FAM20A: variants seen among roughly 807,000 people sequenced by gnomAD.
FAM20A encodes FAM20A golgi associated secretory pathway pseudokinase.
FAM20A carries 42 observed loss-of-function variants against 52.0 expected under a neutral mutation model. The observed-to-expected ratio is 0.81, with a 90% CI of 0.63 to 1.04. The LOEUF (loss-of-function observed/expected upper bound fraction) is 1.04. FAM20A is among the 50% of genes least tolerant of loss of function. The pLI is 0.00. For synonymous variants in FAM20A, 304 were observed against 298.9 expected (o/e 1.02, Z -0.18); for missense variants, 742 against 712.7 (o/e 1.04, Z -0.47).
chr17:68,555,496 A>T, intron 2 of FAM20A, 63 bp downstream of exon 2: 3 of 1,582,030 alleles, frequency 1.9e-6, no homozygotes, highest in Non-Finnish European at 1.7e-6. Context: ...CTAGCCTGGG[A>T]TGCTTTACCC....
intron 4 of FAM20A, among the ~76,000 whole-genome samples, chr17:68,546,641 T>C (rs998938411): frequency 3.2e-4 from 48 of 152,092 alleles, no homozygotes; most frequent in Admixed American, 1.4e-3. Context: ...CCATCCTGGC[T>C]AACACGGTGA....
intron 1 of FAM20A, among the ~76,000 whole-genome samples, chr17:68,585,707 TAAA>T: frequency 1.3e-5 from 2 of 152,326 alleles, no homozygotes; most frequent in Non-Finnish European, 2.9e-5. Context: ...CTCAGCAATT[TAAA>T]TTCTCTCCTG....
chr17:68,550,369 CTTTTTTTTTT>C lies in FAM20A; in HGVS notation c.719+1494_719+1503del, dbSNP rs747654899. ...CTTTCACATAGGAAAAATGGGGGAA[CTTTTTTTTTT>C]TTTTTTTTTTTTTTTTTAAGATAGA... is the stretch of plus-strand genomic sequence containing the variant. On this transcript the variant is annotated intron_variant, in intron 4 of 10. Coordinates refer to ENST00000592554, the MANE Select transcript of FAM20A (RefSeq NM_017565.4). Among the ~76,000 whole-genome samples, 6 of 79,388 alleles carry C rather than the reference CTTTTTTTTTT, an allele frequency of 7.6e-5. No homozygotes were observed. In the South Asian group the frequency reaches 2.9e-3, roughly 39 times the overall value. 52.1% of individuals were successfully genotyped at this position (79,388 alleles called of 152,430 possible). A position where few individuals can be genotyped will look rare whatever the true frequency, so the allele number is the denominator to read the frequency against.
intron 1 of FAM20A, among the ~76,000 whole-genome samples, chr17:68,577,167 AAGAC>A (rs1182616869): frequency 6.6e-6 from 1 of 152,226 alleles, no homozygotes; most frequent in African/African-American, 2.4e-5. Flanking sequence ...CATGTGCAGA[AAGAC>A]AGTCAAGGCT....
intron 8 of FAM20A, 83 bp downstream of exon 8, chr17:68,540,766 G>A (rs892463382): frequency 4.6e-6 from 7 of 1,514,000 alleles, no homozygotes; most frequent in Admixed American, 2.0e-5. Context: ...GAACCAGGTT[G>A]TAAGTTTGTG....
At chr17:68,576,512 C>T (rs2087772968) in intron 1 of FAM20A, among the ~76,000 whole-genome samples, 1 of 152,164 alleles carries the variant, frequency 6.6e-6, no homozygotes, top group South Asian at 2.1e-4. Flanking sequence ...TGCTGCAGCC[C>T]TGAGCCCAAG....
intron 1 of FAM20A, among the ~76,000 whole-genome samples, chr17:68,578,329 G>T (rs539785800): frequency 6.6e-6 from 1 of 152,192 alleles, no homozygotes; most frequent in East Asian, 1.9e-4. Flanking sequence ...GGGTTAGGCT[G>T]GGGCACATAT....
Position 68,600,804 on chromosome 17 carries a change from G to A in FAM20A, c.-138C>T. ...TCAGTGAGACCGGAATGCTCCCCGC[G>A]CGGGCTAGTCCCCTGTGGAGGGGTG... On this transcript the variant is annotated 5_prime_UTR_variant, in exon 1 of 11. Transcript: ENST00000592554. The surrounding 1 kb of genome is among the most constrained non-coding windows in gnomAD (Gnocchi z 6.2). The A allele has an allele frequency of 1.0e-6, 1 of 954,624 alleles. No homozygotes were observed. The highest frequency in any genetic ancestry group is 1.5e-6 in the Non-Finnish European group (1 of 661,354). The allele number at this position is 954,624 out of a possible 1,614,324, so 59.1% of individuals were successfully genotyped here. A position where few individuals can be genotyped will look rare whatever the true frequency, so the allele number is the denominator to read the frequency against.
intron 1 of FAM20A, among the ~76,000 whole-genome samples, chr17:68,579,492 T>C (rs1294971374): frequency 6.6e-6 from 1 of 152,154 alleles, no homozygotes; most frequent in Non-Finnish European, 1.5e-5. Context: ...GATTGGACTT[T>C]TGAAAAATAA....
At chr17:68,558,041 CT>C (rs2087104322) in intron 1 of FAM20A, among the ~76,000 whole-genome samples, 1 of 151,974 alleles carries the variant, frequency 6.6e-6, no homozygotes, top group South Asian at 2.1e-4. Context: ...AGTTTTTTTT[CT>C]GGCTGTTTTC....
At chr17:68,539,804 G>T in intron 9 of FAM20A, 81 bp downstream of exon 9, 3 of 1,364,634 alleles carry the variant, frequency 2.2e-6, no homozygotes, top group Non-Finnish European at 3.1e-6. Flanking sequence ...TTTGCAGGGC[G>T]TCTGTTTCCC....
chr17:68,539,973 A>T lies in FAM20A; in HGVS notation c.1220-7T>A, dbSNP rs775728716. ...TGGTGCCGGTCCATATTCCCTGTGA[A>T]GGAGGGGAGGACTTAGCTGGAACCA... On this transcript the variant is annotated splice_region_variant and splice_polypyrimidine_tract_variant and intron_variant, in intron 8 of 10. Transcript: ENST00000592554. 1 of 1,613,720 alleles carries T rather than the reference A, an allele frequency of 6.2e-7. No homozygotes were observed.
rs531664373 is a variant in FAM20A at position 68,586,020 on chromosome 17, CT to C, written c.404+14242del. On this transcript the variant is annotated intron_variant, in intron 1 of 10. Transcript: ENST00000592554. ...AGTGCCCTTCCTGGGTCACTGGCTG[CT>C]TTTTACCTTATAGACATGGTTGGTG... Among the ~76,000 whole-genome samples, 497 of 152,288 alleles carry C rather than the reference CT, an allele frequency of 3.3e-3. 5 individuals are homozygous for C. The highest frequency in any genetic ancestry group is 0.012 in the African/African-American group (479 of 41,572).
rs564885128 is a variant in FAM20A at position 68,541,955 on chromosome 17, C to A, written c.1109+30G>T. On this transcript the variant is annotated intron_variant, in intron 7 of 10. Transcript: ENST00000592554. ...CAGGGTCTGTGGCTACTGTCAAGGA[C>A]TGGGCTGTGTGGCCTGGGGACCAAC... The A allele has an allele frequency of 3.7e-6, 6 of 1,605,614 alleles. No homozygotes were observed. In the South Asian group the frequency reaches 5.6e-5, roughly 15 times the overall value.
At chr17:68,585,452 T>C (rs934762700) in intron 1 of FAM20A, among the ~76,000 whole-genome samples, 8 of 7,276 alleles carry the variant, frequency 1.1e-3, no homozygotes, top group African/African-American at 0.011. Context: ...GCTTTATTTA[T>C]TTTTTTTTTA....
intron 1 of FAM20A, among the ~76,000 whole-genome samples, chr17:68,567,232 C>T (rs1275200075): frequency 2.6e-5 from 4 of 151,994 alleles, no homozygotes; most frequent in East Asian, 3.9e-4. Context: ...TGTTATTGCA[C>T]GAAAGGGGCC....
In FAM20A at chr17:68,600,131, C is replaced by G; in HGVS notation, c.404+132G>C. 9.1e-7 allele frequency: 1 copy of G among 1,104,508 alleles called. No homozygotes were observed. Among genetic ancestry groups the G allele is most frequent in the Non-Finnish European group, 1.3e-6 (1 of 791,194 alleles). The allele number at this position is 1,104,508 out of a possible 1,614,324, so 68.4% of individuals were successfully genotyped here. On this transcript the variant is annotated intron_variant, in intron 1 of 10. Coordinates refer to ENST00000592554, the MANE Select transcript of FAM20A (RefSeq NM_017565.4). This position sits in a 1 kb window ranked among gnomAD's most constrained non-coding sequence, Gnocchi z 6.2. The stretch of plus-strand genomic sequence containing the variant: ...TCGGGTGGGGAACACACTCTAAGCC[C>G]AGCGCCAGGGCTGGAGCCGTGGGTG...
chr17:68,543,254 A>G (rs973138960), intron 5 of FAM20A, among the ~76,000 whole-genome samples: 6 of 151,984 alleles, frequency 3.9e-5, no homozygotes, highest in Non-Finnish European at 5.9e-5. Flanking sequence ...CTGAGCAAAT[A>G]GAGGGAGTGG....
chr17:68,583,273 G>T (rs1468666938), intron 1 of FAM20A, among the ~76,000 whole-genome samples: 1 of 152,144 alleles, frequency 6.6e-6, no homozygotes, highest in East Asian at 1.9e-4. Context: ...CACAAACTTA[G>T]TGGCGTAAAT....
Sources: gnomAD v4.1 joint callset for allele counts (sites outside exome capture counted in the v4.1 genomes callset) on GRCh38, gnomAD v4.1.1 for gene constraint, Gnocchi (gnomAD v3.1) non-coding constraint, MANE v1.5 for transcripts, NCBI Gene and HGNC (gene_info 2026-07-23, HGNC 2026-07-21) for gene names.